The following PCDHGA2 variants were observed in gnomAD, a reference collection of about 807,000 sequenced individuals.
PCDHGA2 encodes the protein protocadherin gamma subfamily A, 2, also known as protocadherin gamma-A2.
A neutral mutation model predicts 59.2 loss-of-function variants in PCDHGA2; 40 were observed. The ratio of observed to expected loss-of-function variants is 0.68; its 90% CI spans 0.52 to 0.88. The LOEUF is 0.88. Ranked by LOEUF, PCDHGA2 falls within the 40% of genes least tolerant of loss-of-function variation. The probability of loss-of-function intolerance (pLI) is 0.00; values close to 1 mark genes in which losing one functional copy is unlikely to be tolerated. For synonymous variants in PCDHGA2, 560 were observed against 526.0 expected, an observed-to-expected ratio of 1.06 and a Z score of -0.89; for missense variants, 1,226 against 1,204.0, an observed-to-expected ratio of 1.02 and a Z score of -0.27.
chr5:141,475,929 C>A, intron 1 of PCDHGA2: 1 of 634,624 alleles, frequency 1.6e-6, no homozygotes, highest in Non-Finnish European at 2.7e-6. Context: ...GGAGATCGGG[C>A]CCCTGCCCGT....
At chr5:141,413,385 A>G (rs1328460811) in intron 1 of PCDHGA2, 23 of 1,613,870 alleles carry the variant, frequency 1.4e-5, no homozygotes, top group Non-Finnish European at 1.8e-5. Flanking sequence ...GAGTCCGCAT[A>G]GTCTCCAGAG....
chr5:141,427,428 T>C (rs1489623330), intron 1 of PCDHGA2: 3 of 470,472 alleles, frequency 6.4e-6, no homozygotes, highest in Admixed American at 4.7e-5. Context: ...GGAGGTTACA[T>C]GCCTCATAAA....
intron 2 of PCDHGA2, among the ~76,000 whole-genome samples, chr5:141,497,540 C>A (rs866982821): frequency 7.4e-6 from 1 of 134,944 alleles, no homozygotes; most frequent in African/African-American, 2.8e-5. Context: ...TGCAACAAAC[C>A]TTTTTTTTTT....
In PCDHGA2 at chr5:141,431,827, TC is replaced by T. The variant is rs571306928; in HGVS notation, c.2425-62977del. 1.2e-3 allele frequency: 2,007 copies of T among 1,614,226 alleles called. No individual in the cohort carries two copies. The highest frequency in any genetic ancestry group is 1.5e-3 in the Non-Finnish European group (1,827 of 1,180,024). On this transcript the variant is annotated intron_variant, in intron 1 of 3. Coordinates refer to ENST00000394576, the MANE Select transcript of PCDHGA2 (RefSeq NM_018915.4). This position sits in a 1 kb window ranked among gnomAD's most constrained non-coding sequence, Gnocchi z 4.8. ...TCCTCACCTCTCTCGCCAGCTCGGT[TC>T]CCGAAAACTCTCCCAGAGGGACATT...
chr5:141,385,708 A>C (rs1342579594), intron 1 of PCDHGA2: 1 of 259,588 alleles, frequency 3.9e-6, no homozygotes, highest in Non-Finnish European at 6.2e-6. Context: ...TTAGCATTCA[A>C]ATATGTAAAA....
intron 1 of PCDHGA2, among the ~76,000 whole-genome samples, chr5:141,357,881 C>T (rs1014832669): frequency 1.3e-5 from 2 of 152,144 alleles, no homozygotes; most frequent in African/African-American, 2.4e-5. Flanking sequence ...CTCTGAGCCA[C>T]CTCATTTCCT....
intron 1 of PCDHGA2, among the ~76,000 whole-genome samples, chr5:141,488,600 A>G (rs2099677400): frequency 6.6e-6 from 1 of 152,166 alleles, no homozygotes; most frequent in Admixed American, 6.5e-5. Flanking sequence ...AAGACTTTAC[A>G]AGGTTCTTAC....
intron 1 of PCDHGA2, chr5:141,427,957 C>T: frequency 2.5e-6 from 4 of 1,588,402 alleles, no homozygotes; most frequent in South Asian, 1.1e-5. Context: ...GACAATGTGC[C>T]GCGGGTGCTG....
intron 1 of PCDHGA2, chr5:141,355,962 C>A: frequency 6.2e-7 from 1 of 1,613,898 alleles, no homozygotes; most frequent in Non-Finnish European, 8.5e-7. Context: ...TTCGTGAGAA[C>A]GTTCCTGTAG....
chr5:141,360,013 A>G (rs1033161220), intron 1 of PCDHGA2: 60 of 1,245,546 alleles, frequency 4.8e-5, no homozygotes, highest in Non-Finnish European at 6.2e-5. Flanking sequence ...CCAACCACAC[A>G]GAGAAGGCCA....
At chr5:141,395,557 T>C (rs1405901510) in intron 1 of PCDHGA2, 1 of 136,750 alleles carries the variant, frequency 7.3e-6, no homozygotes, top group East Asian at 1.5e-4. Context: ...TGTGTGTGTG[T>C]GTGTGTGTGT....
chr5:141,344,044 G>A (rs1757353341), intron 1 of PCDHGA2: 1 of 1,556,334 alleles, frequency 6.4e-7, no homozygotes, highest in African/African-American at 1.4e-5. Context: ...ATGACCAATT[G>A]CCTGAGTTTC....
intron 1 of PCDHGA2, chr5:141,372,037 T>TGC (rs772549612): frequency 5.6e-6 from 9 of 1,613,494 alleles, no homozygotes; most frequent in Middle Eastern, 1.7e-4. Flanking sequence ...AACGTGAGCC[T>TGC]GCGCGTGTTG....
At chr5:141,356,481 G>A in intron 1 of PCDHGA2, 1 of 1,613,916 alleles carries the variant, frequency 6.2e-7, no homozygotes, top group Non-Finnish European at 8.5e-7. Context: ...CCACTGACCA[G>A]GGAACTCCTC....
In PCDHGA2 at chr5:141,367,963, G is replaced by A. The variant is rs983677753; in HGVS notation, c.2424+26568G>A. Among the ~76,000 whole-genome samples the A allele has an allele frequency of 1.4e-4, 21 of 152,110 alleles. 1 individual carries two copies. The South Asian group carries it at 4.2e-3, about 30-fold the overall frequency. On this transcript the variant is annotated intron_variant, in intron 1 of 3. Coordinates refer to ENST00000394576, the MANE Select transcript of PCDHGA2 (RefSeq NM_018915.4). ...CAAAATTTTAAATTTCATATCTAAC[G>A]TATGTGCTCATCTTAAATTAATAGA...
chr5:141,429,169 T>TACGC (rs2097190400), intron 1 of PCDHGA2: 1 of 145,394 alleles, frequency 6.9e-6, no homozygotes, highest in Non-Finnish European at 1.5e-5. Flanking sequence ...ACATTGTTTA[T>TACGC]ACACACACAC....
chr5:141,482,995 G>A (rs1395482427), intron 1 of PCDHGA2, among the ~76,000 whole-genome samples: 1 of 152,048 alleles, frequency 6.6e-6, no homozygotes, highest in Non-Finnish European at 1.5e-5. Flanking sequence ...CGAGGCAGGA[G>A]AATTGCTTGA....
chr5:141,355,518 G>A (rs775064771), intron 1 of PCDHGA2: 5 of 1,613,932 alleles, frequency 3.1e-6, no homozygotes, highest in Non-Finnish European at 4.2e-6. Flanking sequence ...TGACAAACCT[G>A]GAGATTCTTC....
intron 1 of PCDHGA2, among the ~76,000 whole-genome samples, chr5:141,454,357 TAGAA>T (rs758087339): frequency 3.5e-4 from 54 of 152,354 alleles, no homozygotes; most frequent in Non-Finnish European, 6.3e-4. Context: ...GATCCAAACT[TAGAA>T]AGGAGTATGG....
Sources: gnomAD v4.1 joint callset for allele counts (sites outside exome capture counted in the v4.1 genomes callset) on GRCh38, gnomAD v4.1.1 for gene constraint, Gnocchi (gnomAD v3.1) non-coding constraint, MANE v1.5 for transcripts, NCBI Gene and HGNC (gene_info 2026-07-23, HGNC 2026-07-21) for gene names.